Variants in CAB39L observed in about 807,000 individuals in gnomAD.
The protein encoded by CAB39L is calcium-binding protein 39-like.
A neutral mutation model predicts 39.1 loss-of-function variants in CAB39L; 23 were observed. The ratio of observed to expected loss-of-function variants is 0.59; its 90% confidence interval spans 0.42 to 0.83. The LOEUF (loss-of-function observed/expected upper bound fraction) is 0.83. Among genes scored for constraint, CAB39L ranks in the 40% least tolerant of loss-of-function variants. The probability of loss-of-function intolerance (pLI) is 0.00; values close to 1 mark genes in which losing one functional copy is unlikely to be tolerated. For missense variants in CAB39L, 366 were observed against 391.9 expected (o/e 0.93, Z 0.56); for synonymous variants, 126 against 137.2 (o/e 0.92, Z 0.57).
intron 2 of CAB39L, among the ~76,000 whole-genome samples, chr13:49,433,648 T>G (rs1957361870): frequency 6.6e-6 from 1 of 152,130 alleles, no homozygotes; most frequent in African/African-American, 2.4e-5. Flanking sequence ...AAGCGTTAGT[T>G]TGGGTAAAGG....
intron 9 of CAB39L, among the ~76,000 whole-genome samples, chr13:49,334,813 A>T (rs1954806589): frequency 6.6e-6 from 1 of 152,198 alleles, no homozygotes; most frequent in Non-Finnish European, 1.5e-5. Context: ...GCTACAATCC[A>T]TTACATATAT....
chr13:49,312,735 G>A (rs1954032430), intron 10 of CAB39L, among the ~76,000 whole-genome samples: 1 of 152,200 alleles, frequency 6.6e-6, no homozygotes, highest in Non-Finnish European at 1.5e-5. Flanking sequence ...AGCTATCTAT[G>A]AACATTTCAT....
At chr13:49,412,010 T>C (rs1210886936) in intron 3 of CAB39L, among the ~76,000 whole-genome samples, 1 of 152,146 alleles carries the variant, frequency 6.6e-6, no homozygotes, top group Non-Finnish European at 1.5e-5. Flanking sequence ...TCCCTGTATG[T>C]AAACTCCCCC....
At chr13:49,395,776 C>T (rs1956603032) in intron 3 of CAB39L, among the ~76,000 whole-genome samples, 1 of 151,890 alleles carries the variant, frequency 6.6e-6, no homozygotes, top group African/African-American at 2.4e-5. Context: ...CCAAAATCAA[C>T]CACCCAATTG....
intron 3 of CAB39L, among the ~76,000 whole-genome samples, chr13:49,424,474 T>C (rs933851593): frequency 3.9e-5 from 6 of 152,186 alleles, no homozygotes; most frequent in Non-Finnish European, 5.9e-5. Flanking sequence ...GGAGACATGA[T>C]GACTACATGT....
chr13:49,344,337 A>T (rs1955085584), intron 7 of CAB39L, 99 bp from the exon 8 acceptor site: 1 of 684,460 alleles, frequency 1.5e-6, no homozygotes, highest in African/African-American at 1.8e-5. Context: ...GTTGCAGAAG[A>T]ACATTTTCAT....
intron 10 of CAB39L, among the ~76,000 whole-genome samples, chr13:49,328,262 T>G (rs1954560410): frequency 6.6e-6 from 1 of 152,228 alleles, no homozygotes; most frequent in Admixed American, 6.5e-5. Context: ...AAAAATCTGA[T>G]ATGGTTGGAC....
At chr13:49,329,117 G>C (rs574292483) in intron 10 of CAB39L, among the ~76,000 whole-genome samples, 1 of 152,146 alleles carries the variant, frequency 6.6e-6, no homozygotes, top group South Asian at 2.1e-4. Context: ...GATTTATATA[G>C]GTTTATTTCT....
At chr13:49,321,109 T>C (rs1328891004) in intron 10 of CAB39L, among the ~76,000 whole-genome samples, 1 of 152,132 alleles carries the variant, frequency 6.6e-6, no homozygotes, top group African/African-American at 2.4e-5. Flanking sequence ...GGAAAACTAG[T>C]GAAATAAAGA....
intron 7 of CAB39L, among the ~76,000 whole-genome samples, chr13:49,346,119 A>C (rs1955161773): frequency 1.8e-5 from 1 of 56,146 alleles, no homozygotes; most frequent in East Asian, 3.3e-4. Context: ...ATATATATAT[A>C]TATATCATGG....
At position 49,432,206 on chromosome 13, in the gene CAB39L, G is replaced by A. The variant is rs139875412; in HGVS notation, c.-32+1112C>T. Among the ~76,000 whole-genome samples the A allele has an allele frequency of 3.0e-3, 452 of 152,110 alleles. 1 individual carries two copies. The highest frequency in any genetic ancestry group is 0.01 in the Middle Eastern group (3 of 294). On this transcript the variant is annotated intron_variant, in intron 3 of 10. Transcript: ENST00000409308. ...CTCTTGATCTGTTGCCCAGGCTGGA[G>A]TGCAGTGGTGTGACCATGGCTCACT... is the stretch of plus-strand genomic sequence containing the variant.
At chr13:49,380,423 A>G (rs1252411777) in intron 4 of CAB39L, among the ~76,000 whole-genome samples, 2 of 149,826 alleles carry the variant, frequency 1.3e-5, no homozygotes, top group Non-Finnish European at 3.0e-5. Context: ...CTTAAAAAAA[A>G]CTCACTATAT....
chr13:49,383,371 G>A (rs1956288377), intron 3 of CAB39L, among the ~76,000 whole-genome samples: 1 of 152,086 alleles, frequency 6.6e-6, no homozygotes, highest in Admixed American at 6.5e-5. Flanking sequence ...TCACAAAAGA[G>A]AAAGGCACAG....
chr13:49,426,517 C>G (rs557542678), intron 3 of CAB39L, among the ~76,000 whole-genome samples: 1 of 152,268 alleles, frequency 6.6e-6, no homozygotes, highest in South Asian at 2.1e-4. Context: ...AGCTCCGCCT[C>G]CCGGGTTCAA....
In CAB39L at chr13:49,331,016, T is replaced by C. The variant is rs577945856; in HGVS notation, c.834+931A>G. Among the ~76,000 whole-genome samples the C allele has an allele frequency of 3.9e-5, 6 of 152,244 alleles. No homozygotes were observed. In the South Asian group the frequency reaches 1.0e-3, roughly 26 times the overall value. The stretch of plus-strand genomic sequence containing the variant: ...ATGGTATAGCATTAAGTAATAAAAT[T>C]AGGATATCAGTTGTTGGTACACTGT... On this transcript the variant is annotated intron_variant, in intron 10 of 10. Coordinates refer to ENST00000409308, the MANE Select transcript of CAB39L (RefSeq NM_001079670.3).
At chr13:49,412,749 T>A (rs962415796) in intron 3 of CAB39L, among the ~76,000 whole-genome samples, 1 of 152,130 alleles carries the variant, frequency 6.6e-6, no homozygotes, top group African/African-American at 2.4e-5. Context: ...AACTGTTGCA[T>A]CTCAGGTCAT....
intron 3 of CAB39L, among the ~76,000 whole-genome samples, chr13:49,402,049 A>G (rs1330811029): frequency 2.0e-5 from 3 of 152,182 alleles, no homozygotes; most frequent in Non-Finnish European, 4.4e-5. Context: ...TATAAAAGGG[A>G]AAATTATAAA....
intron 3 of CAB39L, among the ~76,000 whole-genome samples, chr13:49,430,969 T>C (rs1050807419): frequency 1.3e-5 from 2 of 152,234 alleles, no homozygotes; most frequent in African/African-American, 4.8e-5. Context: ...TGTTCCTCTA[T>C]TCACTGTTTC....
intron 9 of CAB39L, among the ~76,000 whole-genome samples, chr13:49,334,992 T>C (rs1954811946): frequency 6.6e-6 from 1 of 152,182 alleles, no homozygotes; most frequent in South Asian, 2.1e-4. Context: ...AGCAAATAGT[T>C]GGAAAAGGGC....
Sources: gnomAD v4.1 joint callset for allele counts (sites outside exome capture counted in the v4.1 genomes callset) on GRCh38, gnomAD v4.1.1 for gene constraint, MANE v1.5 for transcripts, NCBI Gene and HGNC (gene_info 2026-07-23, HGNC 2026-07-21) for gene names.